Variants in NKAIN1 observed in about 807,000 individuals in gnomAD.
NKAIN1 encodes sodium/potassium transporting ATPase interacting 1.
In NKAIN1, 13 loss-of-function variants were observed where a neutral mutation model predicts 31.6. The ratio of observed to expected loss-of-function variants is 0.41; its 90% confidence interval spans 0.27 to 0.65. The LOEUF (loss-of-function observed/expected upper bound fraction) is 0.65. NKAIN1 is among the 30% of genes least tolerant of loss of function. The pLI, the probability that NKAIN1 is intolerant of heterozygous loss-of-function variation, is 0.30. For synonymous variants in NKAIN1, 104 were observed against 109.0 expected (o/e 0.95, Z 0.28); for missense variants, 193 against 262.2 (o/e 0.74, Z 1.82).
At chr1:31,221,365 T>TAG (rs920102052) in intron 1 of NKAIN1, among the ~76,000 whole-genome samples, 3 of 152,176 alleles carry the variant, frequency 2.0e-5, no homozygotes, top group Admixed American at 2.0e-4. Flanking sequence ...TGGAACTTGT[T>TAG]AGAGATGCAC....
intron 1 of NKAIN1, among the ~76,000 whole-genome samples, chr1:31,212,405 T>TCTTTC (rs200935055): frequency 8.7e-5 from 7 of 80,338 alleles, no homozygotes; most frequent in East Asian, 6.0e-4. Context: ...ATAGTTTCTT[T>TCTTTC]TTTTTTTTTT....
At chr1:31,206,015 C>A (rs553210617) in intron 1 of NKAIN1, among the ~76,000 whole-genome samples, 2 of 149,758 alleles carry the variant, frequency 1.3e-5, no homozygotes, top group African/African-American at 2.4e-5. Flanking sequence ...GGGTGGATCA[C>A]CTGAGGTCAG....
intron 1 of NKAIN1, among the ~76,000 whole-genome samples, chr1:31,216,739 GC>G: frequency 2.4e-5 from 1 of 40,930 alleles, no homozygotes; most frequent in African/African-American, 6.8e-5. Flanking sequence ...TATTGAGACA[GC>G]TGGAGTCCAG....
intron 1 of NKAIN1, among the ~76,000 whole-genome samples, chr1:31,214,552 T>TGTGTGTCTGCATGTGTTTGTGCATGC (rs1645496103): frequency 6.6e-6 from 1 of 152,038 alleles, no homozygotes; most frequent in African/African-American, 2.4e-5. Context: ...TGCATGCATG[T>TGTGTGTCTGCATGTGTTTGTGCATGC]GTGTGTCTGC....
At chr1:31,220,932 C>T (rs1645560258) in intron 1 of NKAIN1, among the ~76,000 whole-genome samples, 1 of 152,204 alleles carries the variant, frequency 6.6e-6, no homozygotes, top group Admixed American at 6.5e-5. Flanking sequence ...ACTCAGTGGA[C>T]ACTTCCAGGC....
chr1:31,223,878 A>T (rs566514988), intron 1 of NKAIN1, among the ~76,000 whole-genome samples: 1 of 152,300 alleles, frequency 6.6e-6, no homozygotes, highest in African/African-American at 2.4e-5. Context: ...TGCTGAACGA[A>T]TGTTTTCTAG....
chr1:31,218,716 C>T (rs947308918), intron 1 of NKAIN1, among the ~76,000 whole-genome samples: 2 of 152,190 alleles, frequency 1.3e-5, no homozygotes, highest in African/African-American at 2.4e-5. Context: ...CTCCTCCTCA[C>T]GTCCCCACTT....
At position 31,182,604 on chromosome 1, in the gene NKAIN1, T is replaced by C. The variant is rs1411381218; in HGVS notation, c.472-14A>G. 1.2e-6 allele frequency: 2 copies of C among 1,613,858 alleles called. No homozygotes were observed. Among genetic ancestry groups the C allele is most frequent in the Non-Finnish European group, 1.7e-6 (2 of 1,179,788 alleles). On this transcript the variant is annotated splice_polypyrimidine_tract_variant and intron_variant, in intron 4 of 6. Coordinates refer to ENST00000373736, the MANE Select transcript of NKAIN1 (RefSeq NM_024522.3). ...GAAGCCGAACAGCTGGGAGTGGAGA[T>C]GACACGTCAGGGAGGAAGGAGGAGT...
At chr1:31,208,236 C>T (rs538155395) in intron 1 of NKAIN1, among the ~76,000 whole-genome samples, 60 of 152,244 alleles carry the variant, frequency 3.9e-4, no homozygotes, top group African/African-American at 1.4e-3. Context: ...AGAATAAAAC[C>T]TCAGAGTCAC....
At chr1:31,188,874 G>A (rs1362200752) in intron 1 of NKAIN1, among the ~76,000 whole-genome samples, 21 of 152,046 alleles carry the variant, frequency 1.4e-4, no homozygotes, top group Non-Finnish European at 1.5e-5. Flanking sequence ...ATTGCCAGGT[G>A]TGGTGGTGCG....
At chr1:31,232,456 G>GAGAC in intron 1 of NKAIN1, among the ~76,000 whole-genome samples, 1 of 127,358 alleles carries the variant, frequency 7.9e-6, no homozygotes, top group South Asian at 2.9e-4. Context: ...GAGAGAGAGA[G>GAGAC]AGAGAGAGAG....
At chr1:31,218,886 C>T (rs1015522509) in intron 1 of NKAIN1, among the ~76,000 whole-genome samples, 6 of 152,202 alleles carry the variant, frequency 3.9e-5, no homozygotes, top group South Asian at 2.1e-4. Context: ...AGCCTGGGGA[C>T]GGCAGTGCGC....
At chr1:31,197,968 T>C (rs1046864100) in intron 1 of NKAIN1, among the ~76,000 whole-genome samples, 4 of 152,170 alleles carry the variant, frequency 2.6e-5, no homozygotes, top group Non-Finnish European at 5.9e-5. Context: ...TCCTCCCACC[T>C]CAGCCTCCTG....
At chr1:31,191,029 G>A (rs1211680140) in intron 1 of NKAIN1, among the ~76,000 whole-genome samples, 1 of 152,216 alleles carries the variant, frequency 6.6e-6, no homozygotes, top group African/African-American at 2.4e-5. Flanking sequence ...AGTGGCTCAC[G>A]CCTGTAATCC....
rs953613209 is a variant in NKAIN1 at position 31,185,439 on chromosome 1, A to C, written c.193-112T>G. ...GATCTGGGCAGGGGAAATTATGAGA[A>C]TACCTCACTCAGAGAGCACAGTGTA... On this transcript the variant is annotated intron_variant, in intron 2 of 6. Coordinates refer to ENST00000373736, the MANE Select transcript of NKAIN1 (RefSeq NM_024522.3). 3.5e-5 allele frequency: 28 copies of C among 802,410 alleles called. No individual in the cohort carries two copies. In the Admixed American group the frequency reaches 3.6e-4, roughly 10 times the overall value. The allele number at this position is 802,410 out of a possible 1,614,324, so 49.7% of individuals were successfully genotyped here.
chr1:31,226,180 C>T (rs1446218931), intron 1 of NKAIN1, among the ~76,000 whole-genome samples: 2 of 152,214 alleles, frequency 1.3e-5, no homozygotes, highest in Admixed American at 1.3e-4. Flanking sequence ...GGTATAGAGA[C>T]GTCAAGCAAC....
intron 1 of NKAIN1, among the ~76,000 whole-genome samples, chr1:31,218,161 C>A (rs975856801): frequency 1.3e-4 from 19 of 151,540 alleles, no homozygotes; most frequent in African/African-American, 4.6e-4. Flanking sequence ...CTCCCAGGTT[C>A]AAGCAATTCT....
chr1:31,224,428 C>T (rs138570142), intron 1 of NKAIN1, among the ~76,000 whole-genome samples: 12 of 152,266 alleles, frequency 7.9e-5, no homozygotes, highest in East Asian at 5.8e-4. Context: ...TGATTTACGA[C>T]GGGGCCACAT....
Position 31,181,638 on chromosome 1 carries a change from G to A in NKAIN1, c.*65C>T, listed in dbSNP as rs1450925415. The stretch of plus-strand genomic sequence containing the variant: ...CACCAGGGGGACACGCCTGCGCCTT[G>A]GCCCGAGCTCGCGGCAGCTGCGGTC... On this transcript the variant is annotated 3_prime_UTR_variant, in exon 7 of 7. Coordinates refer to ENST00000373736, the MANE Select transcript of NKAIN1 (RefSeq NM_024522.3). 1 of 1,419,166 alleles carries A rather than the reference G, an allele frequency of 7.0e-7. No homozygotes were observed. Among genetic ancestry groups the A allele is most frequent in the East Asian group, 2.6e-5 (1 of 39,106 alleles). The allele number at this position is 1,419,166 out of a possible 1,614,324, so 87.9% of individuals were successfully genotyped here.
Sources: gnomAD v4.1 joint callset for allele counts (sites outside exome capture counted in the v4.1 genomes callset) on GRCh38, gnomAD v4.1.1 for gene constraint, MANE v1.5 for transcripts, NCBI Gene and HGNC (gene_info 2026-07-23, HGNC 2026-07-21) for gene names.